AHI1: variants seen among roughly 807,000 people sequenced by gnomAD.
The protein encoded by AHI1 is Abelson helper integration site 1.
In AHI1, 123 loss-of-function variants were observed where a neutral mutation model predicts 149.3. The ratio of observed to expected loss-of-function variants is 0.82; its 90% CI spans 0.71 to 0.96. The LOEUF (loss-of-function observed/expected upper bound fraction) is 0.96, where lower values mean the gene tolerates loss of function less well. Ranked by LOEUF, AHI1 falls within the 40% of genes least tolerant of loss-of-function variation. The pLI is 0.00. For missense variants in AHI1, 1,439 were observed against 1,422.7 expected (o/e 1.01, Z -0.18); for synonymous variants, 475 against 459.8 (o/e 1.03, Z -0.42).
In AHI1 at chr6:135,358,205, T is replaced by C; in HGVS notation, c.3110-18A>G. The C allele has an allele frequency of 1.9e-6, 3 of 1,607,294 alleles. No individual in the cohort carries two copies. The highest frequency in any genetic ancestry group is 2.6e-6 in the Non-Finnish European group (3 of 1,174,968). ...GATAATCCCTGTGGAAAGAAAACAT[T>C]GTGAGTATTTGGTTATTAAGCCTGT... On this transcript the variant is annotated intron_variant, in intron 23 of 28. Transcript: ENST00000265602.
chr6:135,315,390 G>A (rs1785790976), intron 26 of AHI1, among the ~76,000 whole-genome samples: 2 of 152,084 alleles, frequency 1.3e-5, no homozygotes, highest in Admixed American at 6.6e-5. Context: ...CCTGGGCCCC[G>A]GTAGCTTGCT....
chr6:135,404,649 T>C (rs1279850793), intron 22 of AHI1, among the ~76,000 whole-genome samples: 2 of 152,234 alleles, frequency 1.3e-5, no homozygotes, highest in Non-Finnish European at 2.9e-5. Flanking sequence ...TTATACAAAT[T>C]AAATATCATA....
intron 26 of AHI1, among the ~76,000 whole-genome samples, chr6:135,317,590 C>T (rs1337077120): frequency 3.3e-5 from 5 of 152,006 alleles, no homozygotes. Flanking sequence ...ATAGTTTCTA[C>T]CAGAGTCTAC....
intron 26 of AHI1, 148 bp from the exon 27 acceptor site, chr6:135,300,706 T>C: frequency 3.6e-6 from 5 of 1,383,696 alleles, no homozygotes; most frequent in Non-Finnish European, 4.7e-6. Context: ...GTCCTGAACA[T>C]ATATTGTCTA....
chr6:135,429,832 C>CATTACT (rs1784398209), intron 18 of AHI1, 50 bp downstream of exon 18: 1 of 1,074,780 alleles, frequency 9.3e-7, no homozygotes, highest in Non-Finnish European at 1.4e-6. Context: ...TAATTTAATT[C>CATTACT]ATTACTTACT....
intron 20 of AHI1, among the ~76,000 whole-genome samples, chr6:135,422,744 C>G (rs1302038567): frequency 1.3e-5 from 2 of 151,632 alleles, no homozygotes; most frequent in African/African-American, 2.4e-5. Context: ...CCTGCCTCAG[C>G]CTCCCAAAGT....
intron 26 of AHI1, among the ~76,000 whole-genome samples, chr6:135,303,420 T>G (rs957322737): frequency 6.6e-6 from 1 of 152,226 alleles, no homozygotes; most frequent in Non-Finnish European, 1.5e-5. Flanking sequence ...AGTTTGTTTA[T>G]ATCTACTTTG....
At chr6:135,449,808 C>T (rs900441641) in intron 11 of AHI1, among the ~76,000 whole-genome samples, 2 of 152,214 alleles carry the variant, frequency 1.3e-5, no homozygotes, top group African/African-American at 4.8e-5. Context: ...TGTGGCTACC[C>T]TGCACTTGAA....
At position 135,303,944 on chromosome 6, in the gene AHI1, G is replaced by A. The variant is rs78054887; in HGVS notation, c.3427-3386C>T. Among the ~76,000 whole-genome samples the A allele has an allele frequency of 7.1e-3, 1,076 of 152,268 alleles. 17 individuals carry two copies. The highest frequency in any genetic ancestry group is 0.025 in the African/African-American group (1,047 of 41,546). On this transcript the variant is annotated intron_variant, in intron 26 of 28. Coordinates refer to ENST00000265602, the MANE Select transcript of AHI1 (RefSeq NM_001134831.2). ...AGGTTTCTTTTATTGCTACAACTCT[G>A]TTTCCGGGAGCACAATTTTAGGATT... is the stretch of plus-strand genomic sequence containing the variant.
chr6:135,369,498 C>T (rs979527339), intron 23 of AHI1, among the ~76,000 whole-genome samples: 1 of 152,178 alleles, frequency 6.6e-6, no homozygotes, highest in Non-Finnish European at 1.5e-5. Flanking sequence ...CTTCTCCTTG[C>T]TAAGCTTTTT....
Position 135,465,929 on chromosome 6 carries a change from GTTT to G in AHI1, c.631_633del (p.Lys211del), listed in dbSNP as rs771096674. The G allele has an allele frequency of 1.2e-6, 2 of 1,606,236 alleles. No homozygotes were observed. The highest frequency in any genetic ancestry group is 2.7e-5 in the African/African-American group (2 of 74,526). ...GGAAAGTAAGTCAACTGTTCTTTCA[GTTT>G]CTTTCTTATTTTCCTCTTAATCTCC... On this transcript the variant is annotated inframe_deletion, in exon 7 of 29. Transcript: ENST00000265602.
intron 23 of AHI1, among the ~76,000 whole-genome samples, chr6:135,389,363 G>A (rs1055282106): frequency 1.3e-5 from 2 of 150,780 alleles, no homozygotes; most frequent in African/African-American, 4.9e-5. Context: ...ACATGTCGAT[G>A]CACAAGAGTT....
chr6:135,433,251 C>T lies in AHI1; in HGVS notation c.2042G>A (p.Trp681Ter), dbSNP rs1236041314. ...TSSSDGTARI[W>*]KNEINNTNTF... is the part of the protein sequence containing the mutation. ...ATTTGTATTGTTTATTTCATTTTTC[C>T]ATATCCTGGAAAAGGATAAGAAGTT... The change falls in exon 16 of 29, where the codon TGG becomes TAG. Residue 681 changes from tryptophan to a stop codon, truncating the protein, a stop_gained. Transcript: ENST00000265602. LOFTEE classifies it high-confidence loss of function. The T allele has an allele frequency of 2.5e-6, 4 of 1,594,908 alleles. No individual in the cohort carries two copies. In the Admixed American group the frequency reaches 6.7e-5, roughly 27 times the overall value.
intron 26 of AHI1, chr6:135,302,802 T>C: frequency 7.8e-7 from 1 of 1,289,044 alleles, no homozygotes; most frequent in Non-Finnish European, 1.0e-6. Flanking sequence ...CTGTGAGCTG[T>C]TTTGTTTTAT....
At chr6:135,311,971 T>C (rs1201052379) in intron 26 of AHI1, among the ~76,000 whole-genome samples, 1 of 152,252 alleles carries the variant, frequency 6.6e-6, no homozygotes, top group East Asian at 1.9e-4. Context: ...ATGAACCAGA[T>C]GAAATGCTGG....
At chr6:135,464,033 A>G (rs764786954) in intron 7 of AHI1, among the ~76,000 whole-genome samples, 4 of 152,208 alleles carry the variant, frequency 2.6e-5, no homozygotes, top group Non-Finnish European at 4.4e-5. Flanking sequence ...ATTAAAATCT[A>G]TATCACATGA....
intron 24 of AHI1, among the ~76,000 whole-genome samples, chr6:135,345,171 TC>T (rs1791006444): frequency 6.6e-6 from 1 of 152,112 alleles, no homozygotes; most frequent in Admixed American, 6.6e-5. Context: ...TAATACAAAA[TC>T]AGTAACAAGT....
intron 23 of AHI1, among the ~76,000 whole-genome samples, chr6:135,370,621 C>A (rs1039185599): frequency 1.3e-5 from 2 of 152,154 alleles, no homozygotes; most frequent in East Asian, 1.9e-4. Context: ...CTTCTTTATG[C>A]AGTAGGGTTC....
At chr6:135,343,005 T>C (rs1790613689) in intron 24 of AHI1, among the ~76,000 whole-genome samples, 1 of 147,590 alleles carries the variant, frequency 6.8e-6, no homozygotes, top group Non-Finnish European at 1.5e-5. Flanking sequence ...ATTAGTAGAG[T>C]ATGCAGACAA....
Sources: gnomAD v4.1 joint callset for allele counts (sites outside exome capture counted in the v4.1 genomes callset) on GRCh38, gnomAD v4.1.1 for gene constraint, MANE v1.5 for transcripts, NCBI Gene and HGNC (gene_info 2026-07-23, HGNC 2026-07-21) for gene names.